Variants in LGMN observed in about 807,000 individuals in gnomAD.
LGMN encodes legumain.
LGMN carries 36 observed loss-of-function variants against 56.8 expected under a neutral mutation model. The observed-to-expected ratio is 0.63, with a 90% CI of 0.49 to 0.84. LGMN has a LOEUF of 0.84. Ranked by LOEUF, LGMN falls within the 40% of genes least tolerant of loss-of-function variation. The pLI, the probability that LGMN is intolerant of heterozygous loss-of-function variation, is 0.00. For missense variants in LGMN, 446 were observed against 556.1 expected, an observed-to-expected ratio of 0.80 and a Z score of 1.99; for synonymous variants, 199 against 210.1, an observed-to-expected ratio of 0.95 and a Z score of 0.46.
rs1206124339 is a variant in LGMN at position 92,716,132 on chromosome 14, T to C, written c.404+4A>G. 1 of 1,596,202 alleles carries C rather than the reference T, an allele frequency of 6.3e-7. No individual in the cohort carries two copies. The highest frequency in any genetic ancestry group is 8.6e-7 in the Non-Finnish European group (1 of 1,166,056). ...GAAGTGTAGTATCCGTAAACAGACA[T>C]TACCTCTTCAGGACTTTGCCGGATC... On this transcript the variant is annotated splice_donor_region_variant and intron_variant, in intron 5 of 13. Transcript: ENST00000334869.
rs1555397584 is a variant in LGMN at position 92,715,210 on chromosome 14, G to GGCGGGT, written c.405-760_405-759insACCCGC. ...GACGGGGATTCACACTGTTGGTCAGGGTGGGTGTGTGTGTGTGTGTGTGTT... is the reference window on the plus strand; with the variant it reads ...GACGGGGATTCACACTGTTGGTCAGGGCGGGTGTGGGTGTGTGTGTGTGTGTGTGTT... On this transcript the variant is annotated intron_variant, in intron 5 of 13. Transcript: ENST00000334869. 3.0e-5 allele frequency among the ~76,000 whole-genome samples: 3 copies of GGCGGGT among 99,176 alleles called. No individual in the cohort carries two copies. In the Admixed American group the frequency reaches 3.2e-4, roughly 10 times the overall value. 65.1% of individuals were successfully genotyped at this position (99,176 alleles called of 152,430 possible). A position where few individuals can be genotyped will look rare whatever the true frequency, so the allele number is the denominator to read the frequency against.
At chr14:92,706,455 T>C (rs769657982) in intron 12 of LGMN, 28 bp downstream of exon 12, 2 of 1,468,964 alleles carry the variant, frequency 1.4e-6, no homozygotes, top group Middle Eastern at 2.0e-4. Context: ...TTCTGGATTC[T>C]GGTCATGGGG....
chr14:92,726,926 C>T (rs1890770232), intron 2 of LGMN, among the ~76,000 whole-genome samples: 1 of 152,178 alleles, frequency 6.6e-6, no homozygotes, highest in Non-Finnish European at 1.5e-5. Context: ...CAATTCTGGC[C>T]AGGAAGACTC....
At chr14:92,742,527 T>A (rs1052932516) in intron 1 of LGMN, among the ~76,000 whole-genome samples, 2 of 152,096 alleles carry the variant, frequency 1.3e-5, no homozygotes, top group African/African-American at 2.4e-5. Context: ...CCTCAAGTGA[T>A]GCACCTGCCT....
intron 2 of LGMN, among the ~76,000 whole-genome samples, chr14:92,725,129 G>A (rs932720130): frequency 1.3e-5 from 2 of 152,222 alleles, no homozygotes; most frequent in African/African-American, 4.8e-5. Flanking sequence ...AAGGTCCTGT[G>A]CTGCCTCTGG....
At chr14:92,738,299 G>A (rs1383807542) in intron 1 of LGMN, among the ~76,000 whole-genome samples, 2 of 147,316 alleles carry the variant, frequency 1.4e-5, no homozygotes, top group African/African-American at 5.0e-5. Context: ...TTTTTTTTGA[G>A]ACAGAGTCTT....
intron 2 of LGMN, among the ~76,000 whole-genome samples, chr14:92,724,155 T>A (rs1890632299): frequency 6.6e-6 from 1 of 152,270 alleles, no homozygotes; most frequent in African/African-American, 2.4e-5. Flanking sequence ...TGAATTAAGA[T>A]GATATGTCTT....
chr14:92,712,284 T>A (rs962709452), intron 8 of LGMN, among the ~76,000 whole-genome samples: 1 of 152,204 alleles, frequency 6.6e-6, no homozygotes, highest in Non-Finnish European at 1.5e-5. Flanking sequence ...TTACTTTGGT[T>A]TCCAGAGAGA....
rs1420945740 is a variant in LGMN, at chr14:92,709,654, C to T, written c.1020+18G>A. On this transcript the variant is annotated intron_variant, in intron 11 of 13. Coordinates refer to ENST00000334869, the MANE Select transcript of LGMN (RefSeq NM_005606.7). ...CTGGGGACAGCACCTGGGCACAGCT[C>T]CTTTCACCACTACTCACATCCAGAT... The T allele has an allele frequency of 6.2e-7, 1 of 1,609,902 alleles. No individual in the cohort carries two copies.
chr14:92,735,906 C>T (rs997343485), intron 1 of LGMN, among the ~76,000 whole-genome samples: 1 of 151,844 alleles, frequency 6.6e-6, no homozygotes, highest in Non-Finnish European at 1.5e-5. Context: ...TTCATGTGCA[C>T]CTGAGGAGGC....
intron 1 of LGMN, among the ~76,000 whole-genome samples, chr14:92,738,104 A>T (rs1290508160): frequency 1.3e-5 from 2 of 152,166 alleles, no homozygotes; most frequent in Non-Finnish European, 1.5e-5. Flanking sequence ...CAAACGGTTG[A>T]CCTGACTGTG....
At chr14:92,733,009 C>T (rs1325450192) in intron 1 of LGMN, among the ~76,000 whole-genome samples, 194 bp from the exon 2 acceptor site, 1 of 151,944 alleles carries the variant, frequency 6.6e-6, no homozygotes, top group Non-Finnish European at 1.5e-5. Context: ...CTTAGCTAGG[C>T]GTGGTAGCAC....
intron 11 of LGMN, among the ~76,000 whole-genome samples, chr14:92,706,902 C>T (rs1395989196): frequency 7.2e-5 from 11 of 152,136 alleles, no homozygotes; most frequent in Non-Finnish European, 1.5e-5. Context: ...CAAAAAACAA[C>T]CTTTGCTGTG....
rs373174590 is a variant in LGMN at position 92,712,014 on chromosome 14, TG to T, written c.611-60del. The T allele has an allele frequency of 8.5e-3, 11,233 of 1,322,106 alleles. 86 individuals are homozygous for T. The highest frequency in any genetic ancestry group is 9.9e-3 in the Non-Finnish European group (9,122 of 917,134). The allele number at this position is 1,322,106 out of a possible 1,614,324, so 81.9% of individuals were successfully genotyped here. ...TTTTATTCCTGCCTTGGATTACGCTTGAAGCTTGAGTCCTTCTTTCTCCCCC... is the reference window on the plus strand; with the variant it reads ...TTTTATTCCTGCCTTGGATTACGCTTAAGCTTGAGTCCTTCTTTCTCCCCC... On this transcript the variant is annotated intron_variant, in intron 8 of 13. Coordinates refer to ENST00000334869, the MANE Select transcript of LGMN (RefSeq NM_005606.7).
chr14:92,710,887 CA>C (rs765609185), intron 10 of LGMN, among the ~76,000 whole-genome samples: 8 of 152,234 alleles, frequency 5.3e-5, no homozygotes, highest in Non-Finnish European at 7.3e-5. Flanking sequence ...TCATGTCCCC[CA>C]TCCCATGCCC....
intron 2 of LGMN, among the ~76,000 whole-genome samples, chr14:92,730,777 C>G (rs1891010958): frequency 6.6e-6 from 1 of 151,844 alleles, no homozygotes. Context: ...AACCCGGCCT[C>G]TGCTAAAAAT....
chr14:92,711,787 G>T, intron 9 of LGMN, 39 bp from the exon 10 acceptor site: 1 of 1,610,610 alleles, frequency 6.2e-7, no homozygotes, highest in Non-Finnish European at 8.5e-7. Flanking sequence ...TTGACAATCA[G>T]AGTCTGACGG....
chr14:92,741,828 A>C (rs1445252619), intron 1 of LGMN: 7 of 152,230 alleles, frequency 4.6e-5, no homozygotes, highest in African/African-American at 1.7e-4. Context: ...GTGCCACTGC[A>C]CTCCAGCCTG....
At chr14:92,704,455 G>A in intron 13 of LGMN, 94 bp from the exon 14 acceptor site, 1 of 1,134,604 alleles carries the variant, frequency 8.8e-7, no homozygotes, top group East Asian at 2.4e-5. Context: ...AGGCAGTTAT[G>A]ACAGGCCCGC....
Sources: gnomAD v4.1 joint callset for allele counts (sites outside exome capture counted in the v4.1 genomes callset) on GRCh38, gnomAD v4.1.1 for gene constraint, MANE v1.5 for transcripts, NCBI Gene and HGNC (gene_info 2026-07-23, HGNC 2026-07-21) for gene names.